Variants in GRIN2A observed in about 807,000 individuals in gnomAD.
GRIN2A encodes the protein glutamate ionotropic receptor NMDA type subunit 2A, also known as glutamate receptor ionotropic, NMDA 2A.
In GRIN2A, 22 loss-of-function variants were observed where a neutral mutation model predicts 113.4. The observed-to-expected ratio is 0.19, with a 90% CI of 0.14 to 0.28. The LOEUF is 0.28. Ranked by LOEUF, GRIN2A falls within the 10% of genes least tolerant of loss-of-function variation. GRIN2A has a pLI of 1.00. For synonymous variants in GRIN2A, 827 were observed against 738.4 expected (o/e 1.12, Z -1.94); for missense variants, 1,502 against 1,887.0 (o/e 0.80, Z 3.78).
intron 2 of GRIN2A, among the ~76,000 whole-genome samples, chr16:10,039,808 G>GGGAGAGAGAGAGAGAGAGAGAGAGAGA (rs1555469298): frequency 7.8e-5 from 5 of 63,822 alleles, no homozygotes; most frequent in African/African-American, 1.6e-4. Context: ...GGGAGGGGGG[G>GGGAGAGAGAGAGAGAGAGAGAGAGAGA]GAGAAAGAGA....
intron 4 of GRIN2A, among the ~76,000 whole-genome samples, chr16:9,880,551 A>G (rs2043458392): frequency 6.6e-6 from 1 of 152,148 alleles, no homozygotes; most frequent in Non-Finnish European, 1.5e-5. Context: ...GTGGCCTAAT[A>G]AAACCAAGGA....
chr16:9,821,313 A>C (rs1244855947), intron 10 of GRIN2A, among the ~76,000 whole-genome samples: 1 of 152,170 alleles, frequency 6.6e-6, no homozygotes, highest in African/African-American at 2.4e-5. Context: ...CCTTTCTAAA[A>C]TGGATTTCAT....
intron 2 of GRIN2A, among the ~76,000 whole-genome samples, chr16:10,122,587 T>A (rs1178930978): frequency 6.6e-6 from 1 of 152,086 alleles, no homozygotes; most frequent in Non-Finnish European, 1.5e-5. Context: ...CCTAAAAGGC[T>A]CTTTTTGTCC....
At chr16:10,108,628 G>A (rs563422390) in intron 2 of GRIN2A, among the ~76,000 whole-genome samples, 4 of 152,308 alleles carry the variant, frequency 2.6e-5, no homozygotes, top group African/African-American at 7.2e-5. Flanking sequence ...CACACACTTA[G>A]TGTACGATGT....
At chr16:10,173,000 T>C (rs943884119) in intron 2 of GRIN2A, among the ~76,000 whole-genome samples, 2 of 152,112 alleles carry the variant, frequency 1.3e-5, no homozygotes, top group Non-Finnish European at 2.9e-5. Flanking sequence ...AGAAAGAAGA[T>C]AAACACCGCT....
chr16:10,168,504 C>T (rs1351470622), intron 2 of GRIN2A, among the ~76,000 whole-genome samples: 2 of 152,174 alleles, frequency 1.3e-5, no homozygotes. Flanking sequence ...TGACCCAACC[C>T]AACCTTGCAA....
rs149022540 is a variant in GRIN2A at position 9,769,232 on chromosome 16, G to A, written c.2357-143C>T. 1,616 of 706,312 alleles carry A rather than the reference G, an allele frequency of 2.3e-3. 23 individuals are homozygous for A. The highest frequency in any genetic ancestry group is 2.7e-4 in the Non-Finnish European group (107 of 392,962). The allele number at this position is 706,312 out of a possible 1,614,324, so 43.8% of individuals were successfully genotyped here. On this transcript the variant is annotated intron_variant, in intron 11 of 12. Transcript: ENST00000330684. ...TTCTGAGTTTGCTGGGTTTCCATTT[G>A]CTCACTTCTTGAGTGAAGATAATAA...
chr16:10,128,578 G>C (rs1364377864), intron 2 of GRIN2A, among the ~76,000 whole-genome samples: 4 of 152,218 alleles, frequency 2.6e-5, no homozygotes, highest in Non-Finnish European at 5.9e-5. Flanking sequence ...TTCTAGGCTA[G>C]AGGTGGGCAG....
chr16:10,024,800 A>G (rs959939439), intron 2 of GRIN2A, among the ~76,000 whole-genome samples: 1 of 152,220 alleles, frequency 6.6e-6, no homozygotes, highest in African/African-American at 2.4e-5. Flanking sequence ...CTGCTTAGCA[A>G]TTATATCAAG....
chr16:9,882,052 AACAC>A (rs141535521), intron 4 of GRIN2A, among the ~76,000 whole-genome samples: 1 of 150,026 alleles, frequency 6.7e-6, no homozygotes, highest in African/African-American at 2.4e-5. Flanking sequence ...ACACACACAC[AACAC>A]ACACACACAC....
intron 2 of GRIN2A, among the ~76,000 whole-genome samples, chr16:10,039,667 G>T (rs1001275777): frequency 1.3e-5 from 2 of 151,592 alleles, no homozygotes; most frequent in African/African-American, 4.9e-5. Context: ...GGGGGCGGCT[G>T]CTCGCTCTAC....
At chr16:9,944,480 T>A (rs911331435) in intron 2 of GRIN2A, among the ~76,000 whole-genome samples, 2 of 152,040 alleles carry the variant, frequency 1.3e-5, no homozygotes, top group African/African-American at 2.4e-5. Context: ...CTCCTCCTCC[T>A]CACCATCATC....
chr16:9,937,149 G>A (rs1292516394), intron 3 of GRIN2A, among the ~76,000 whole-genome samples: 1 of 152,014 alleles, frequency 6.6e-6, no homozygotes, highest in Admixed American at 6.6e-5. Context: ...TTACCCTGAT[G>A]TGATTATCAA....
At chr16:9,779,388 A>G (rs1320194391) in intron 11 of GRIN2A, among the ~76,000 whole-genome samples, 1 of 152,236 alleles carries the variant, frequency 6.6e-6, no homozygotes, top group African/African-American at 2.4e-5. Flanking sequence ...AGTTCCTTGA[A>G]GCTGTAAAAT....
chr16:10,162,184 G>C (rs28402302), intron 2 of GRIN2A, among the ~76,000 whole-genome samples: 1 of 152,162 alleles, frequency 6.6e-6, no homozygotes, highest in African/African-American at 2.4e-5. Context: ...AGGATTCTAA[G>C]ACAGGGACTC....
At chr16:10,105,146 G>A (rs1332579467) in intron 2 of GRIN2A, among the ~76,000 whole-genome samples, 1 of 51,170 alleles carries the variant, frequency 2.0e-5, no homozygotes, top group Non-Finnish European at 4.1e-5. Flanking sequence ...ATGGAAGCCT[G>A]GAGAAGCCTG....
At chr16:9,805,646 A>T (rs2041951476) in intron 10 of GRIN2A, 1 of 152,214 alleles carries the variant, frequency 6.6e-6, no homozygotes, top group Non-Finnish European at 1.5e-5. Context: ...CATCTGTAAG[A>T]TGGGAAATAA....
At chr16:9,993,487 T>A (rs897805255) in intron 2 of GRIN2A, among the ~76,000 whole-genome samples, 12 of 151,834 alleles carry the variant, frequency 7.9e-5, no homozygotes, top group African/African-American at 2.9e-4. Context: ...GCCCAGGAAC[T>A]CAAGGCTGCA....
intron 7 of GRIN2A, among the ~76,000 whole-genome samples, chr16:9,834,768 A>G (rs1011068599): frequency 1.3e-5 from 2 of 152,238 alleles, no homozygotes; most frequent in Non-Finnish European, 2.9e-5. Context: ...TATAATAAAA[A>G]TAGAGAAGAG....
Sources: gnomAD v4.1 joint callset for allele counts (sites outside exome capture counted in the v4.1 genomes callset) on GRCh38, gnomAD v4.1.1 for gene constraint, MANE v1.5 for transcripts, NCBI Gene and HGNC (gene_info 2026-07-23, HGNC 2026-07-21) for gene names.